AKAP12: variants seen among roughly 807,000 people sequenced by gnomAD.
The protein encoded by AKAP12 is A-kinase anchor protein 12.
In AKAP12, 32 loss-of-function variants were observed where a neutral mutation model predicts 79.9. The observed-to-expected ratio is 0.40, with a 90% CI of 0.30 to 0.54. The LOEUF is 0.54. Ranked by LOEUF, AKAP12 falls within the 20% of genes least tolerant of loss-of-function variation. AKAP12 has a pLI of 0.48. For missense variants in AKAP12, 2,074 were observed against 2,177.0 expected (o/e 0.95, Z 0.94); for synonymous variants, 808 against 857.0 (o/e 0.94, Z 1.00).
At chr6:151,324,773 A>T (rs1777482431) in intron 3 of AKAP12, 5 of 985,444 alleles carry the variant, frequency 5.1e-6, no homozygotes, top group Non-Finnish European at 6.0e-6. Flanking sequence ...AAAAAAGTGT[A>T]TTAAAATTGT....
At chr6:151,268,035 C>G (rs1330553778) in intron 2 of AKAP12, among the ~76,000 whole-genome samples, 1 of 152,156 alleles carries the variant, frequency 6.6e-6, no homozygotes, top group Non-Finnish European at 1.5e-5. Flanking sequence ...GATGCCATAC[C>G]CTTCCATCCC....
chr6:151,342,478 G>C (rs927905590), intron 3 of AKAP12, among the ~76,000 whole-genome samples: 4 of 152,290 alleles, frequency 2.6e-5, no homozygotes, highest in East Asian at 1.9e-4. Context: ...TATTTTAGGA[G>C]GCTTTGCTTA....
At chr6:151,305,985 G>C in intron 3 of AKAP12, 82 bp downstream of exon 3, 2 of 1,414,728 alleles carry the variant, frequency 1.4e-6, no homozygotes, top group Non-Finnish European at 9.5e-7. Flanking sequence ...CTGTCATACT[G>C]CCTGGTGGTG....
intron 3 of AKAP12, chr6:151,325,780 G>T (rs1469302440): frequency 5.3e-5 from 85 of 1,610,662 alleles, no homozygotes; most frequent in Non-Finnish European, 6.8e-5. Flanking sequence ...ACCTGCGGTT[G>T]GCAGGCAGGA....
At chr6:151,291,831 G>A (rs760353723) in intron 2 of AKAP12, among the ~76,000 whole-genome samples, 2 of 152,108 alleles carry the variant, frequency 1.3e-5, no homozygotes, top group Non-Finnish European at 2.9e-5. Context: ...GGCATTTCTC[G>A]AAGTCACTTG....
intron 2 of AKAP12, among the ~76,000 whole-genome samples, chr6:151,301,174 G>A (rs1172557364): frequency 6.6e-6 from 1 of 152,140 alleles, no homozygotes; most frequent in African/African-American, 2.4e-5. Context: ...GTGCCACTAT[G>A]TTGTGTCTGC....
intron 2 of AKAP12, among the ~76,000 whole-genome samples, chr6:151,278,707 A>G (rs1283969799): frequency 3.3e-5 from 5 of 151,322 alleles, no homozygotes; most frequent in African/African-American, 4.9e-5. Flanking sequence ...TCGCTCTGTC[A>G]CCCAGGCTGG....
At chr6:151,325,138 G>T (rs1777490938) in intron 3 of AKAP12, 1 of 985,426 alleles carries the variant, frequency 1.0e-6, no homozygotes. Context: ...GCACTACTGA[G>T]AGTTGCCAGT....
Position 151,352,513 on chromosome 6 carries a change from C to T in AKAP12, c.4122C>T (p.Leu1374=). The T allele has an allele frequency of 6.2e-7, 1 of 1,614,186 alleles. No individual in the cohort carries two copies. The highest frequency in any genetic ancestry group is 8.5e-7 in the Non-Finnish European group (1 of 1,180,026). ...VTVSEEVSKQ[L]LQTVNVPIID... Reference sequence around the variant, plus strand: ...TATCTGAAGAGGTCAGTAAGCAGCTCCTCCAGACAGTGAATGTGCCCATCA... The same window carrying T: ...TATCTGAAGAGGTCAGTAAGCAGCTTCTCCAGACAGTGAATGTGCCCATCA... The change falls in exon 4 of 5, where the codon CTC becomes CTT. Residue 1374 remains leucine, a synonymous_variant. Transcript: ENST00000402676.
At chr6:151,321,936 T>G (rs1235317490) in intron 3 of AKAP12, among the ~76,000 whole-genome samples, 1 of 136,462 alleles carries the variant, frequency 7.3e-6, no homozygotes, top group Non-Finnish European at 1.5e-5. Flanking sequence ...TTTGACACAG[T>G]CTCACTTTGT....
At chr6:151,247,243 A>G (rs1797093245) in intron 2 of AKAP12, among the ~76,000 whole-genome samples, 1 of 152,132 alleles carries the variant, frequency 6.6e-6, no homozygotes. Context: ...TCTACAAAAA[A>G]TAAAAAATTT....
At chr6:151,330,289 A>T (rs959284785) in intron 3 of AKAP12, among the ~76,000 whole-genome samples, 1 of 152,052 alleles carries the variant, frequency 6.6e-6, no homozygotes, top group African/African-American at 2.4e-5. Flanking sequence ...CCCTGTCCCT[A>T]CCCCACCCCC....
At position 151,353,191 on chromosome 6, in the gene AKAP12, A is replaced by C. The variant is rs3823310; in HGVS notation, c.4800A>C (p.Glu1600Asp). The C allele has an allele frequency of 0.63, 1,012,779 of 1,613,728 alleles. 326,264 individuals carry two copies. The highest frequency in any genetic ancestry group is 0.67 in the Non-Finnish European group (789,908 of 1,179,866). ...AGQETEKEGE[E>D]PQASAQDETP... is the part of the protein sequence containing the mutation. ...AGGAAACGGAGAAAGAAGGAGAGGA[A>C]CCTCAGGCCTCTGCACAGGATGAAA... The change falls in exon 4 of 5, where the codon GAA becomes GAC. Residue 1600 changes from glutamate (E) to aspartate (D), a missense_variant. Coordinates refer to ENST00000402676, the MANE Select transcript of AKAP12 (RefSeq NM_005100.4).
intron 3 of AKAP12, among the ~76,000 whole-genome samples, chr6:151,314,458 C>G (rs1406417618): frequency 2.0e-5 from 3 of 152,158 alleles, no homozygotes; most frequent in East Asian, 3.8e-4. Context: ...TAAGATAAAT[C>G]CCTTCACAAA....
At chr6:151,244,559 A>G (rs759714112) in intron 2 of AKAP12, among the ~76,000 whole-genome samples, 4 of 151,550 alleles carry the variant, frequency 2.6e-5, no homozygotes, top group Non-Finnish European at 2.9e-5. Flanking sequence ...AAACCAGACA[A>G]TTGAGGCGGC....
chr6:151,259,324 G>A (rs1797363023), intron 2 of AKAP12, among the ~76,000 whole-genome samples: 1 of 151,496 alleles, frequency 6.6e-6, no homozygotes, highest in Admixed American at 6.6e-5. Flanking sequence ...GGGATTACAG[G>A]TGTGAGCCAC....
rs199816601 is a variant in AKAP12 at position 151,274,034 on chromosome 6, C to CA, written c.163-31708dup. Among the ~76,000 whole-genome samples the CA allele has an allele frequency of 7.4e-3, 1,030 of 138,542 alleles. 13 individuals are homozygous for CA. The highest frequency in any genetic ancestry group is 0.023 in the African/African-American group (904 of 38,492). The allele number at this position is 138,542 out of a possible 152,430, so 90.9% of individuals were successfully genotyped here. A position where few individuals can be genotyped will look rare whatever the true frequency, so the allele number is the denominator to read the frequency against. On this transcript the variant is annotated intron_variant, in intron 2 of 4. Coordinates refer to ENST00000402676, the MANE Select transcript of AKAP12 (RefSeq NM_005100.4). ...ACAGAGCAAGACTCTGTCTCAAAAA[C>CA]AAAAACAAAAAAGAATGAGGTCAAA... is the stretch of plus-strand genomic sequence containing the variant.
At position 151,283,936 on chromosome 6, in the gene AKAP12, G is replaced by A. The variant is rs187687890; in HGVS notation, c.163-21811G>A. Among the ~76,000 whole-genome samples the A allele has an allele frequency of 1.1e-4, 17 of 152,302 alleles. No individual in the cohort carries two copies. In the East Asian group the frequency reaches 3.3e-3, roughly 29 times the overall value. ...ATTTCTCCCCTGAATGGACACAGCA[G>A]CAGCCTTCCTGCCTCCAGCTTGCTC... On this transcript the variant is annotated intron_variant, in intron 2 of 4. Coordinates refer to ENST00000402676, the MANE Select transcript of AKAP12 (RefSeq NM_005100.4).
Position 151,358,104 on chromosome 6 carries a change from A to G in AKAP12, c.*2390A>G, listed in dbSNP as rs967324046. On this transcript the variant is annotated 3_prime_UTR_variant, in exon 5 of 5. Coordinates refer to ENST00000402676, the MANE Select transcript of AKAP12 (RefSeq NM_005100.4). ...TTATTTTAACAAGAAGAACACCAAC[A>G]GTAGCATGAAATATAATACTGTTTT... The G allele has an allele frequency of 6.6e-6, 1 of 152,238 alleles. No homozygotes were observed. Among genetic ancestry groups the G allele is most frequent in the Non-Finnish European group, 1.5e-5 (1 of 68,046 alleles). 9.4% of individuals were successfully genotyped at this position (152,238 alleles called of 1,614,324 possible). A position where few individuals can be genotyped will look rare whatever the true frequency, so the allele number is the denominator to read the frequency against.
Sources: allele counts gnomAD v4.1 joint callset (sites outside exome capture counted in the v4.1 genomes callset), GRCh38; gene constraint gnomAD v4.1.1; transcripts MANE v1.5; gene names NCBI Gene and HGNC (gene_info 2026-07-23, HGNC 2026-07-21).